Variants in ETFDH observed in about 807,000 individuals in gnomAD.
ETFDH encodes the protein electron transfer flavoprotein-ubiquinone oxidoreductase, mitochondrial.
A neutral mutation model predicts 73.2 loss-of-function variants in ETFDH; 61 were observed. The observed-to-expected ratio is 0.83, with a 90% CI of 0.68 to 1.03. The LOEUF (loss-of-function observed/expected upper bound fraction) is 1.03, where lower values mean the gene tolerates loss of function less well. Ranked by LOEUF, ETFDH falls within the 50% of genes least tolerant of loss-of-function variation. ETFDH has a pLI of 0.00. For missense variants in ETFDH, 685 were observed against 745.0 expected (o/e 0.92, Z 0.94); for synonymous variants, 243 against 253.3 (o/e 0.96, Z 0.39).
At chr4:158,699,804 G>A (rs1189039523) in intron 9 of ETFDH, among the ~76,000 whole-genome samples, 1 of 151,876 alleles carries the variant, frequency 6.6e-6, no homozygotes. Flanking sequence ...TACCTTAATT[G>A]TCCTATTTTT....
rs759135877 is a variant in ETFDH, at chr4:158,685,151, G to A, written c.538G>A (p.Val180Met). Residue 180 changes from valine to methionine, a missense_variant, in exon 5 of 13, where the codon GTG becomes ATG. Val to Met is a conservative substitution (Grantham distance 21). Coordinates refer to ENST00000511912, the MANE Select transcript of ETFDH (RefSeq NM_004453.4). ...GNYIVRLGHL[V>M]SWMGEQAEAL... is the part of the protein sequence containing the mutation. ...TTACATTGTACGCTTGGGACATTTAGTGAGCTGGATGGGCGAACAAGCAGA... is the reference window on the plus strand; with the variant it reads ...TTACATTGTACGCTTGGGACATTTAATGAGCTGGATGGGCGAACAAGCAGA... 1.9e-6 allele frequency: 3 copies of A among 1,613,188 alleles called. No homozygotes were observed. Among genetic ancestry groups the A allele is most frequent in the Non-Finnish European group, 2.5e-6 (3 of 1,179,278 alleles).
chr4:158,695,399 C>T (rs932396340), intron 6 of ETFDH, 98 bp from the exon 7 acceptor site: 6 of 885,176 alleles, frequency 6.8e-6, no homozygotes, highest in Non-Finnish European at 1.1e-5. Context: ...TGCACTGTCT[C>T]TTCTACATCT....
At chr4:158,676,943 T>A (rs1246258760) in intron 1 of ETFDH, among the ~76,000 whole-genome samples, 1 of 152,244 alleles carries the variant, frequency 6.6e-6, no homozygotes, top group African/African-American at 2.4e-5. Context: ...CTTTCTGTAT[T>A]CTAAATATAA....
chr4:158,677,195 A>G (rs1306671193), intron 1 of ETFDH, among the ~76,000 whole-genome samples: 1 of 152,262 alleles, frequency 6.6e-6, no homozygotes, highest in African/African-American at 2.4e-5. Context: ...TTCTGAGCCA[A>G]ATGTGAGGAC....
At position 158,684,595 on chromosome 4, in the gene ETFDH, C is replaced by G. The variant is rs1773952432; in HGVS notation, c.409C>G (p.Pro137Ala). 1 of 1,516,140 alleles carries G rather than the reference C, an allele frequency of 6.6e-7. No homozygotes were observed. Among genetic ancestry groups the G allele is most frequent in the African/African-American group, 1.4e-5 (1 of 73,034 alleles). The allele number at this position is 1,516,140 out of a possible 1,614,324, so 93.9% of individuals were successfully genotyped here. Residue 137 changes from proline to alanine, a missense_variant, in exon 4 of 13, where the codon CCA becomes GCA. Pro to Ala is a conservative substitution (Grantham distance 27, BLOSUM62 -1). Coordinates refer to ENST00000511912, the MANE Select transcript of ETFDH (RefSeq NM_004453.4). ...CTTTTTCTTCTTTTATTTCTAGGCTCCACTTAACACTCCTGTAACAGAAGA... is the reference window on the plus strand; with the variant it reads ...CTTTTTCTTCTTTTATTTCTAGGCTGCACTTAACACTCCTGTAACAGAAGA... ...LFPDWKEKGA[P>A]LNTPVTEDRF...
intron 10 of ETFDH, among the ~76,000 whole-genome samples, chr4:158,704,689 C>T (rs1471134545): frequency 6.6e-6 from 1 of 152,198 alleles, no homozygotes; most frequent in Non-Finnish European, 1.5e-5. Context: ...GTGAATCCTA[C>T]ATACCTGGCA....
Position 158,709,562 on chromosome 4 carries a change from G to A in ETFDH, c.*1035G>A, listed in dbSNP as rs1334809224. On this transcript the variant is annotated 3_prime_UTR_variant, in exon 13 of 13. Transcript: ENST00000511912. The stretch of plus-strand genomic sequence containing the variant: ...AACAAACAAAACCACTTTACTTACT[G>A]TATTGTGACATGTTTATTAAGCATG... The A allele has an allele frequency of 4.0e-6, 2 of 498,880 alleles. No individual in the cohort carries two copies. Among genetic ancestry groups the A allele is most frequent in the Non-Finnish European group, 7.0e-6 (2 of 285,998 alleles). The allele number at this position is 498,880 out of a possible 1,614,324, so 30.9% of individuals were successfully genotyped here.
chr4:158,690,600 G>A (rs971814170), intron 6 of ETFDH, among the ~76,000 whole-genome samples, 175 bp downstream of exon 6: 1 of 152,104 alleles, frequency 6.6e-6, no homozygotes, highest in Non-Finnish European at 1.5e-5. Context: ...GATCACTTGA[G>A]CCCAGGAGTT....
chr4:158,708,582 A>C lies in ETFDH; in HGVS notation c.*55A>C, dbSNP rs761175785. The stretch of plus-strand genomic sequence containing the variant: ...GGCAAGCTAACGTTAAAATGTTTAG[A>C]GATTAACAGATTTCAGAATGTCTTT... On this transcript the variant is annotated 3_prime_UTR_variant, in exon 13 of 13. Coordinates refer to ENST00000511912, the MANE Select transcript of ETFDH (RefSeq NM_004453.4). The C allele has an allele frequency of 5.8e-6, 8 of 1,377,884 alleles. No individual in the cohort carries two copies. The highest frequency in any genetic ancestry group is 7.3e-6 in the Non-Finnish European group (7 of 965,310). The allele number at this position is 1,377,884 out of a possible 1,614,324, so 85.4% of individuals were successfully genotyped here.
intron 4 of ETFDH, 172 bp downstream of exon 4, chr4:158,684,845 C>G: frequency 1.6e-6 from 1 of 630,720 alleles, no homozygotes; most frequent in Non-Finnish European, 2.9e-6. Context: ...GAACTCAGTT[C>G]TTTTGTCTTC....
chr4:158,684,076 C>T (rs1377055092), intron 3 of ETFDH, among the ~76,000 whole-genome samples: 1 of 152,016 alleles, frequency 6.6e-6, no homozygotes, highest in Admixed American at 6.6e-5. Flanking sequence ...TCCTGGGATG[C>T]AAAACTGGCA....
Position 158,699,144 on chromosome 4 carries a change from C to T in ETFDH, c.1116+14C>T. 1 of 1,603,116 alleles carries T rather than the reference C, an allele frequency of 6.2e-7. No homozygotes were observed. The highest frequency in any genetic ancestry group is 8.5e-7 in the Non-Finnish European group (1 of 1,170,154). ...GGTGGCTTTCAGGTAACTCTTCCAA[C>T]TTTTATTTTCCTTGTTTCTGTATTA... On this transcript the variant is annotated intron_variant, in intron 9 of 12. Transcript: ENST00000511912.
intron 1 of ETFDH, among the ~76,000 whole-genome samples, chr4:158,673,230 G>A (rs538364403): frequency 1.3e-5 from 2 of 152,306 alleles, no homozygotes; most frequent in Non-Finnish European, 2.9e-5. Flanking sequence ...CTTGAACCCG[G>A]AGGTGGAGGT....
chr4:158,708,518 T>C lies in ETFDH; in HGVS notation c.1845T>C (p.Asn615=), dbSNP rs201694569. The C allele has an allele frequency of 6.2e-7, 1 of 1,613,582 alleles. No individual in the cohort carries two copies. Among genetic ancestry groups the C allele is most frequent in the Non-Finnish European group, 8.5e-7 (1 of 1,179,550 alleles). The change falls in exon 13 of 13, where the codon AAT becomes AAC. Residue 615 remains asparagine (N), a synonymous_variant. Coordinates refer to ENST00000511912, the MANE Select transcript of ETFDH (RefSeq NM_004453.4). ...AAGGTGGAGGAGGACCTGCTTACAA[T>C]GGAATGTAAACTGCAGCTAGCCAGT... is the stretch of plus-strand genomic sequence containing the variant. ...VPEGGGGPAY[N]GM
chr4:158,679,217 G>C lies in ETFDH; in HGVS notation c.35-1250G>C, dbSNP rs376145062. On this transcript the variant is annotated intron_variant, in intron 1 of 12. Coordinates refer to ENST00000511912, the MANE Select transcript of ETFDH (RefSeq NM_004453.4). The stretch of plus-strand genomic sequence containing the variant: ...CTATAACAGACTTCTAATGAATATA[G>C]CTTCAAATATAAGTTTCTATATCTG... 1.5e-4 allele frequency: 23 copies of C among 151,424 alleles called. 1 individual carries two copies. Among genetic ancestry groups the C allele is most frequent in the Admixed American group, 7.9e-4 (12 of 15,188 alleles). The allele number at this position is 151,424 out of a possible 1,614,324, so 9.4% of individuals were successfully genotyped here.
rs1054861542 is a variant in ETFDH, at chr4:158,699,390, C to T, written c.1116+260C>T. On this transcript the variant is annotated intron_variant, in intron 9 of 12. Transcript: ENST00000511912. ...TGGGTAGTCTGCCTGGGCAACATGG[C>T]GAAACCCCATCTCTACAACAAATGG... is the stretch of plus-strand genomic sequence containing the variant. 5.3e-5 allele frequency among the ~76,000 whole-genome samples: 8 copies of T among 152,136 alleles called. No individual in the cohort carries two copies. In the South Asian group the frequency reaches 1.7e-3, roughly 32 times the overall value.
Position 158,706,827 on chromosome 4 carries a change from C to T in ETFDH, c.1667C>T (p.Pro556Leu). Residue 556 changes from proline (P) to leucine (L), a missense_variant, in exon 12 of 13, where the codon CCC becomes CTC. Physicochemically the swap from Pro to Leu is moderately conservative, Grantham distance 98. Transcript: ENST00000511912. ...AGAAATCTGTCGATATATGATGGGCCCGAGCAGCGATTCTGTCCTGCAGGT... is the reference window on the plus strand; with the variant it reads ...AGAAATCTGTCGATATATGATGGGCTCGAGCAGCGATTCTGTCCTGCAGGT... ...VNRNLSIYDGPEQRFCPAGVY... is the reference protein window; with the variant it reads ...VNRNLSIYDGLEQRFCPAGVY... 1 of 1,609,238 alleles carries T rather than the reference C, an allele frequency of 6.2e-7. No individual in the cohort carries two copies.
In ETFDH at chr4:158,692,892, T is replaced by A. The variant is rs201838952; in HGVS notation, c.684+2467T>A. ...AAAAAAGATTAAAAAAAAAAAAACA[T>A]ATATATATATATATATGGTTTTTAA... On this transcript the variant is annotated intron_variant, in intron 6 of 12. Transcript: ENST00000511912. Among the ~76,000 whole-genome samples the A allele has an allele frequency of 2.7e-3, 324 of 118,814 alleles. 2 individuals carry two copies. Among genetic ancestry groups the A allele is most frequent in the African/African-American group, 8.1e-3 (283 of 34,982 alleles). The allele number at this position is 118,814 out of a possible 152,430, so 77.9% of individuals were successfully genotyped here.
intron 7 of ETFDH, among the ~76,000 whole-genome samples, chr4:158,695,993 A>G (rs1415910135): frequency 4.6e-5 from 7 of 152,200 alleles, no homozygotes; most frequent in Admixed American, 4.6e-4. Context: ...TAGGATGACC[A>G]CATCCTACGA....
Sources: gnomAD v4.1 joint callset for allele counts (sites outside exome capture counted in the v4.1 genomes callset) on GRCh38, gnomAD v4.1.1 for gene constraint, MANE v1.5 for transcripts, NCBI Gene and HGNC (gene_info 2026-07-23, HGNC 2026-07-21) for gene names.